EFCAB13: variants seen among roughly 807,000 people sequenced by gnomAD.
EFCAB13 encodes EF-hand calcium-binding domain-containing protein 13.
A neutral mutation model predicts 110.2 loss-of-function variants in EFCAB13; 91 were observed. The ratio of observed to expected loss-of-function variants is 0.83; its 90% confidence interval spans 0.70 to 0.98. EFCAB13 has a LOEUF of 0.98. Ranked by LOEUF, EFCAB13 falls within the 50% of genes least tolerant of loss-of-function variation. The probability of loss-of-function intolerance (pLI) is 0.00; values close to 1 mark genes in which losing one functional copy is unlikely to be tolerated. For missense variants in EFCAB13, 968 were observed against 1,119.4 expected (o/e 0.86, Z 1.93); for synonymous variants, 323 against 369.9 (o/e 0.87, Z 1.45).
At chr17:47,389,270 T>C (rs1323308497) in intron 14 of EFCAB13, among the ~76,000 whole-genome samples, 1 of 152,156 alleles carries the variant, frequency 6.6e-6, no homozygotes, top group Non-Finnish European at 1.5e-5. Flanking sequence ...ACTCCTGGTA[T>C]CAAGCAATTC....
intron 5 of EFCAB13, among the ~76,000 whole-genome samples, chr17:47,338,609 C>T (rs563309766): frequency 2.6e-5 from 4 of 151,926 alleles, no homozygotes; most frequent in African/African-American, 7.2e-5. Context: ...CATTAGAGTG[C>T]TTTTTCCTCC....
At chr17:47,364,785 G>A (rs1333164031) in intron 10 of EFCAB13, among the ~76,000 whole-genome samples, 1 of 152,114 alleles carries the variant, frequency 6.6e-6, no homozygotes, top group Non-Finnish European at 1.5e-5. Context: ...ATACCTCTTG[G>A]GATAAATAAC....
At chr17:47,376,105 G>A (rs1215117074) in intron 12 of EFCAB13, among the ~76,000 whole-genome samples, 1 of 152,090 alleles carries the variant, frequency 6.6e-6, no homozygotes, top group Non-Finnish European at 1.5e-5. Context: ...AAAACTTACT[G>A]TCATATCACA....
At chr17:47,429,004 A>G (rs1348050620) in intron 23 of EFCAB13, among the ~76,000 whole-genome samples, 1 of 152,170 alleles carries the variant, frequency 6.6e-6, no homozygotes, top group African/African-American at 2.4e-5. Flanking sequence ...GTTGCCTTAT[A>G]AATGGAAGAT....
chr17:47,357,569 C>T (rs1386646856), intron 9 of EFCAB13, among the ~76,000 whole-genome samples: 1 of 152,176 alleles, frequency 6.6e-6, no homozygotes, highest in Non-Finnish European at 1.5e-5. Flanking sequence ...CGCACACCAC[C>T]ACGCCCAGCT....
At chr17:47,351,965 G>A (rs1390628096) in intron 9 of EFCAB13, among the ~76,000 whole-genome samples, 7 of 148,340 alleles carry the variant, frequency 4.7e-5, no homozygotes, top group South Asian at 2.1e-4. Flanking sequence ...GCAGTGGTGC[G>A]ATCTTGGCTC....
intron 4 of EFCAB13, among the ~76,000 whole-genome samples, chr17:47,332,160 G>T (rs188013077): frequency 5.9e-5 from 9 of 152,068 alleles, no homozygotes; most frequent in African/African-American, 2.2e-4. Flanking sequence ...TTCCAAAGTG[G>T]TTGTACCATT....
chr17:47,379,359 C>A, intron 14 of EFCAB13, 106 bp downstream of exon 14: 1 of 814,064 alleles, frequency 1.2e-6, no homozygotes, highest in Non-Finnish European at 2.0e-6. Context: ...ACTTAATAGT[C>A]CTGTGACTCT....
intron 10 of EFCAB13, among the ~76,000 whole-genome samples, chr17:47,362,472 G>A (rs1342505722): frequency 1.3e-5 from 2 of 152,136 alleles, no homozygotes; most frequent in East Asian, 3.9e-4. Context: ...AAAAACACCC[G>A]CTACTTAGCA....
At chr17:47,340,656 G>A (rs866084191) in intron 5 of EFCAB13, among the ~76,000 whole-genome samples, 1 of 151,640 alleles carries the variant, frequency 6.6e-6, no homozygotes, top group Non-Finnish European at 1.5e-5. Context: ...AGGCTGGAGT[G>A]CAGTGATGCG....
chr17:47,356,418 GGGGCTTCCTGAGACATA>G (rs2065480914), intron 9 of EFCAB13, among the ~76,000 whole-genome samples: 1 of 152,048 alleles, frequency 6.6e-6, no homozygotes, highest in Non-Finnish European at 1.5e-5. Context: ...CCTTCCCCTA[GGGGCTTCCTGAGACATA>G]GGGCTTCCTG....
intron 13 of EFCAB13, 56 bp downstream of exon 13, chr17:47,377,959 G>A (rs1332486736): frequency 2.1e-6 from 3 of 1,455,560 alleles, no homozygotes; most frequent in Admixed American, 2.5e-5. Flanking sequence ...TTATCGGATA[G>A]TATTAAATAT....
intron 4 of EFCAB13, among the ~76,000 whole-genome samples, chr17:47,330,450 C>G (rs938074051): frequency 3.9e-5 from 6 of 151,918 alleles, no homozygotes; most frequent in Non-Finnish European, 8.8e-5. Context: ...GTTTTTCATC[C>G]TTCACTTCCC....
intron 23 of EFCAB13, among the ~76,000 whole-genome samples, chr17:47,424,587 A>G (rs1447493704): frequency 1.3e-5 from 2 of 152,090 alleles, no homozygotes; most frequent in African/African-American, 4.8e-5. Flanking sequence ...ACAGCCTGAA[A>G]ATTCACGGAG....
chr17:47,405,854 T>C (rs1452263420), intron 20 of EFCAB13, among the ~76,000 whole-genome samples: 1 of 151,816 alleles, frequency 6.6e-6, no homozygotes, highest in African/African-American at 2.4e-5. Context: ...CTTTATATTG[T>C]TCCCTTATAC....
At chr17:47,361,918 A>G (rs1226222410) in intron 10 of EFCAB13, among the ~76,000 whole-genome samples, 1 of 152,178 alleles carries the variant, frequency 6.6e-6, no homozygotes, top group Non-Finnish European at 1.5e-5. Flanking sequence ...CAATTTTGCT[A>G]TGCCCTTCAG....
chr17:47,369,018 A>G (rs1360788402), intron 10 of EFCAB13, among the ~76,000 whole-genome samples: 1 of 152,218 alleles, frequency 6.6e-6, no homozygotes, highest in Non-Finnish European at 1.5e-5. Context: ...ATGCTGAGGA[A>G]GGAATAGAAA....
At chr17:47,335,553 C>T (rs2065344563) in intron 5 of EFCAB13, among the ~76,000 whole-genome samples, 197 bp downstream of exon 5, 1 of 152,124 alleles carries the variant, frequency 6.6e-6, no homozygotes, top group South Asian at 2.1e-4. Flanking sequence ...CTCTCACAGC[C>T]ATCTATAGGC....
At chr17:47,364,532 C>T (rs1389862428) in intron 10 of EFCAB13, among the ~76,000 whole-genome samples, 4 of 152,052 alleles carry the variant, frequency 2.6e-5, no homozygotes, top group South Asian at 2.1e-4. Context: ...AGGATGGTCT[C>T]GATCTCCTGA....
Sources: allele counts gnomAD v4.1 joint callset (sites outside exome capture counted in the v4.1 genomes callset), GRCh38; gene constraint gnomAD v4.1.1; transcripts MANE v1.5; gene names NCBI Gene and HGNC (gene_info 2026-07-23, HGNC 2026-07-21).